CSMD1: variants seen among roughly 807,000 people sequenced by gnomAD.
The protein encoded by CSMD1 is CUB and Sushi multiple domains 1.
Under a neutral mutation model 417.5 loss-of-function variants are expected in CSMD1, and 213 were observed. The ratio of observed to expected loss-of-function variants is 0.51; its 90% CI spans 0.46 to 0.57. The LOEUF (loss-of-function observed/expected upper bound fraction) is 0.57. CSMD1 is among the 20% of genes least tolerant of loss of function. The pLI, the probability that CSMD1 is intolerant of heterozygous loss-of-function variation, is 0.00. For missense variants in CSMD1, 6,923 were observed against 4,529.7 expected (o/e 1.53, Z -15.17); for synonymous variants, 2,862 against 1,736.8 (o/e 1.65, Z -16.11).
intron 1 of CSMD1, among the ~76,000 whole-genome samples, chr8:4,795,252 C>CTTTTTTTGTTTTTTTTTTTTTT (rs1797913137): frequency 2.2e-5 from 1 of 46,226 alleles, no homozygotes; most frequent in Non-Finnish European, 4.2e-5. Context: ...GGTGTCATAG[C>CTTTTTTTGTTTTTTTTTTTTTT]TTTTTTTTTT....
chr8:4,763,503 C>G (rs1812253076), intron 1 of CSMD1, among the ~76,000 whole-genome samples: 1 of 152,110 alleles, frequency 6.6e-6, no homozygotes, highest in Admixed American at 6.5e-5. Context: ...TTATTGATGA[C>G]TTCTTATAAT....
intron 2 of CSMD1, among the ~76,000 whole-genome samples, chr8:4,506,945 A>G (rs1233421503): frequency 6.6e-6 from 1 of 152,146 alleles, no homozygotes; most frequent in Non-Finnish European, 1.5e-5. Context: ...TATAAGGAGA[A>G]AGGTGATCGA....
chr8:3,048,386 C>G (rs913798067), intron 50 of CSMD1, among the ~76,000 whole-genome samples: 1 of 152,078 alleles, frequency 6.6e-6, no homozygotes, highest in Non-Finnish European at 1.5e-5. Context: ...AAAAAGTAGA[C>G]AAATGTGTCA....
At chr8:3,232,699 G>A (rs998623343) in intron 26 of CSMD1, among the ~76,000 whole-genome samples, 3 of 151,982 alleles carry the variant, frequency 2.0e-5, no homozygotes, top group Non-Finnish European at 2.9e-5. Flanking sequence ...CTCCTTATGT[G>A]CCCTGAAGTT....
At chr8:3,502,737 G>C (rs1796658970) in intron 10 of CSMD1, among the ~76,000 whole-genome samples, 1 of 152,144 alleles carries the variant, frequency 6.6e-6, no homozygotes, top group South Asian at 2.1e-4. Flanking sequence ...GGAGCACAGA[G>C]GATTTTTAGG....
intron 10 of CSMD1, among the ~76,000 whole-genome samples, chr8:3,573,409 C>T (rs1343900800): frequency 2.6e-5 from 4 of 152,186 alleles, no homozygotes; most frequent in African/African-American, 9.7e-5. Flanking sequence ...TCCCAGGGTA[C>T]AACACGGCTC....
At chr8:3,168,865 G>A (rs907984182) in intron 37 of CSMD1, among the ~76,000 whole-genome samples, 1 of 152,098 alleles carries the variant, frequency 6.6e-6, no homozygotes, top group Non-Finnish European at 1.5e-5. Context: ...GCATAAAGGA[G>A]TGCATGTCTG....
intron 1 of CSMD1, among the ~76,000 whole-genome samples, chr8:4,803,615 A>G (rs1395713695): frequency 6.6e-6 from 1 of 152,188 alleles, no homozygotes; most frequent in Non-Finnish European, 1.5e-5. Context: ...TTAATTACTG[A>G]AAAGATCTAT....
At chr8:4,567,106 G>C (rs1007861276) in intron 2 of CSMD1, among the ~76,000 whole-genome samples, 4 of 138,522 alleles carry the variant, frequency 2.9e-5, no homozygotes, top group Non-Finnish European at 5.9e-5. Context: ...AAAATGTATG[G>C]CTTTGAAAAT....
chr8:4,701,222 A>G (rs373986860), intron 1 of CSMD1, among the ~76,000 whole-genome samples: 1 of 151,834 alleles, frequency 6.6e-6, no homozygotes. Flanking sequence ...CTTTGCTCAG[A>G]GCTCTCTCAT....
intron 1 of CSMD1, among the ~76,000 whole-genome samples, chr8:4,669,245 A>C (rs935015637): frequency 6.6e-6 from 1 of 152,136 alleles, no homozygotes; most frequent in Non-Finnish European, 1.5e-5. Flanking sequence ...GGGGCTAGAC[A>C]TATTTACTAC....
At chr8:4,306,701 G>A (rs1035685409) in intron 3 of CSMD1, among the ~76,000 whole-genome samples, 1 of 151,880 alleles carries the variant, frequency 6.6e-6, no homozygotes, top group Non-Finnish European at 1.5e-5. Flanking sequence ...CTTCCAAAAC[G>A]TCCTCATATA....
intron 2 of CSMD1, among the ~76,000 whole-genome samples, chr8:4,587,693 G>C (rs1369907303): frequency 6.6e-6 from 1 of 152,092 alleles, no homozygotes; most frequent in Non-Finnish European, 1.5e-5. Context: ...CTAGGTACTG[G>C]TTAAGAGATT....
intron 1 of CSMD1, among the ~76,000 whole-genome samples, chr8:4,840,427 G>T (rs1480600019): frequency 6.6e-6 from 1 of 152,134 alleles, no homozygotes; most frequent in Non-Finnish European, 1.5e-5. Context: ...CCACTTATAT[G>T]TTGAAGACTA....
intron 65 of CSMD1, among the ~76,000 whole-genome samples, chr8:2,954,021 A>T (rs910054016): frequency 1.3e-5 from 2 of 152,276 alleles, no homozygotes; most frequent in African/African-American, 4.8e-5. Context: ...TTTTTAAGGG[A>T]AGTAATGTTA....
chr8:4,859,977 G>A (rs963520224), intron 1 of CSMD1, among the ~76,000 whole-genome samples: 20 of 152,046 alleles, frequency 1.3e-4, no homozygotes, highest in South Asian at 4.2e-4. Flanking sequence ...TTATTGCCGC[G>A]TTATTCACGA....
chr8:3,350,491 T>C (rs189062214), intron 21 of CSMD1, among the ~76,000 whole-genome samples: 2 of 152,036 alleles, frequency 1.3e-5, no homozygotes, highest in Non-Finnish European at 2.9e-5. Context: ...TGTGAAGTAC[T>C]CATAAAGGGA....
chr8:4,042,900 G>C (rs150910325), intron 3 of CSMD1, among the ~76,000 whole-genome samples: 1,838 of 150,192 alleles, frequency 0.012, 41 homozygotes, highest in African/African-American at 0.043. Context: ...GGCTGAGGTG[G>C]GAAGATTATG....
intron 2 of CSMD1, among the ~76,000 whole-genome samples, chr8:4,571,936 T>A (rs1425926219): frequency 1.3e-5 from 2 of 152,222 alleles, no homozygotes; most frequent in Non-Finnish European, 2.9e-5. Context: ...GAGACTAGGA[T>A]TGCAACCCAT....
Sources: gnomAD v4.1 joint callset for allele counts (sites outside exome capture counted in the v4.1 genomes callset) on GRCh38, gnomAD v4.1.1 for gene constraint, MANE v1.5 for transcripts, NCBI Gene and HGNC (gene_info 2026-07-23, HGNC 2026-07-21) for gene names.